BLOC1S6: variants seen among roughly 807,000 people sequenced by gnomAD.
BLOC1S6 encodes the protein biogenesis of lysosomal organelles complex 1 subunit 6.
In BLOC1S6, 24 loss-of-function variants were observed where a neutral mutation model predicts 24.7. That is an observed-to-expected ratio of 0.97 (90% CI 0.70 to 1.37). BLOC1S6 has a LOEUF of 1.37. Ranked by LOEUF, BLOC1S6 falls within the 40% of genes most tolerant of loss-of-function variation. BLOC1S6 has a pLI of 0.00. For missense variants in BLOC1S6, 175 were observed against 196.2 expected, an observed-to-expected ratio of 0.89 and a Z score of 0.64; for synonymous variants, 76 against 72.6, an observed-to-expected ratio of 1.05 and a Z score of -0.23.
chr15:45,591,389 A>C (rs547254481), intron 1 of BLOC1S6, among the ~76,000 whole-genome samples: 1 of 152,126 alleles, frequency 6.6e-6, no homozygotes, highest in African/African-American at 2.4e-5. Flanking sequence ...AGTGACCGTT[A>C]CCCACGTTTT....
intron 3 of BLOC1S6, among the ~76,000 whole-genome samples, chr15:45,604,918 T>C (rs1172712780): frequency 2.0e-5 from 3 of 152,234 alleles, no homozygotes; most frequent in African/African-American, 7.2e-5. Context: ...GAGATCATTC[T>C]GCTTAGTCTG....
In BLOC1S6 at chr15:45,587,531, T is replaced by G. The variant is rs1464794231; in HGVS notation, c.82+6T>G. ...GGCCGGGGAGCCGACGCCTGGTACG[T>G]ACTATCGGGTGGGAAGCGCGGCCCG... On this transcript the variant is annotated splice_donor_region_variant and intron_variant, in intron 1 of 4. Coordinates refer to ENST00000220531, the MANE Select transcript of BLOC1S6 (RefSeq NM_012388.4). The G allele has an allele frequency of 4.5e-6, 7 of 1,568,038 alleles. No homozygotes were observed. Among genetic ancestry groups the G allele is most frequent in the South Asian group, 1.2e-5 (1 of 86,010 alleles).
At chr15:45,587,296 C>T (rs1893707891), upstream of BLOC1S6, 1 of 760,884 alleles carries the variant, frequency 1.3e-6, no homozygotes, top group African/African-American at 1.7e-5. Flanking sequence ...CTCTCGAGCG[C>T]GTGATCGAAG....
Position 45,606,486 on chromosome 15 carries a change from TA to T in BLOC1S6, c.493del (p.Thr165LeufsTer25). On this transcript the variant is annotated frameshift_variant, in exon 5 of 5. Transcript: ENST00000220531. LOFTEE classifies it high-confidence loss of function. Reference sequence around the variant, plus strand: ...AAGGAGTTTGAAAGAGAAAAGCAGTTAACTGCCAGACCAGCCAAAAGGATGT... The same window carrying T: ...AAGGAGTTTGAAAGAGAAAAGCAGTTACTGCCAGACCAGCCAAAAGGATGT... The part of the protein sequence containing the change: ...REKEFEREKQ[L>X]TARPAKRM 6.2e-7 allele frequency: 1 copy of T among 1,614,152 alleles called. No individual in the cohort carries two copies. The highest frequency in any genetic ancestry group is 8.5e-7 in the Non-Finnish European group (1 of 1,180,030).
At chr15:45,590,322 C>T (rs571309113) in intron 1 of BLOC1S6, among the ~76,000 whole-genome samples, 8 of 151,260 alleles carry the variant, frequency 5.3e-5, no homozygotes, top group Admixed American at 2.0e-4. Context: ...TCATGTGTTT[C>T]GTAGGGTTAA....
intron 4 of BLOC1S6, 180 bp downstream of exon 4, chr15:45,605,694 ATTC>A: frequency 1.9e-6 from 1 of 517,124 alleles, no homozygotes; most frequent in East Asian, 3.7e-5. Context: ...GGTTGAAGCG[ATTC>A]TTCTGCCTCA....
At chr15:45,589,725 C>T (rs1173166393) in intron 1 of BLOC1S6, among the ~76,000 whole-genome samples, 3 of 152,166 alleles carry the variant, frequency 2.0e-5, no homozygotes, top group African/African-American at 7.2e-5. Context: ...AATAAGGACC[C>T]TCCCTTTCTT....
intron 2 of BLOC1S6, chr15:45,602,226 C>A: frequency 2.0e-6 from 1 of 491,886 alleles, no homozygotes. Context: ...GTAGGGTATG[C>A]CAGACTCAGT....
At chr15:45,587,553 C>T in intron 1 of BLOC1S6, 28 bp downstream of exon 1, 5 of 1,549,088 alleles carry the variant, frequency 3.2e-6, no homozygotes, top group African/African-American at 1.4e-5. Context: ...GGAAGCGCGG[C>T]CCGGGCTGGG....
intron 2 of BLOC1S6, chr15:45,597,855 T>C: frequency 2.8e-6 from 1 of 361,630 alleles, no homozygotes. Context: ...ACCTTTTATT[T>C]CTTTTTCTTG....
chr15:45,596,281 T>A lies in BLOC1S6; in HGVS notation c.224+4005T>A, dbSNP rs545251980. ...GGCGCAGCCTTAGCTCACTGCAGCC[T>A]CCATTTCCTGGGCTCAAGTGATCCT... On this transcript the variant is annotated intron_variant, in intron 2 of 4. Transcript: ENST00000220531. Among the ~76,000 whole-genome samples the A allele has an allele frequency of 3.3e-5, 5 of 152,192 alleles. No homozygotes were observed. The South Asian group carries it at 1.0e-3, about 32-fold the overall frequency.
rs1894573421 is a variant in BLOC1S6, at chr15:45,608,786, T to C, written c.*2272T>C. The stretch of plus-strand genomic sequence containing the variant: ...TCACGAGTCACTAGTATAGACTATC[T>C]ATCTAGTGAGTTGTATTATAAGCGA... On this transcript the variant is annotated 3_prime_UTR_variant, in exon 5 of 5. Coordinates refer to ENST00000220531, the MANE Select transcript of BLOC1S6 (RefSeq NM_012388.4). 6.6e-6 allele frequency: 1 copy of C among 152,250 alleles called. No individual in the cohort carries two copies. Among genetic ancestry groups the C allele is most frequent in the African/African-American group, 2.4e-5 (1 of 41,468 alleles). 9.4% of individuals were successfully genotyped at this position (152,250 alleles called of 1,614,324 possible).
intron 2 of BLOC1S6, among the ~76,000 whole-genome samples, chr15:45,596,791 C>G (rs971845659): frequency 9.9e-5 from 15 of 151,956 alleles, no homozygotes; most frequent in African/African-American, 3.1e-4. Flanking sequence ...ATTCTTGCAC[C>G]TCAGCCTCCC....
intron 2 of BLOC1S6, among the ~76,000 whole-genome samples, chr15:45,593,338 C>G (rs56245055): frequency 6.9e-6 from 1 of 145,460 alleles, no homozygotes; most frequent in Non-Finnish European, 1.5e-5. Flanking sequence ...GAGCTGAGAT[C>G]TGCACCACTG....
rs1340612776 is a variant in BLOC1S6, at chr15:45,587,421, C to T, written c.-23C>T. ...TGACGAGCCACACGTTTGCTTCTTC[C>T]CTGTGTTCCCAGCTGGAGGGACATG... On this transcript the variant is annotated 5_prime_UTR_variant, in exon 1 of 5. Transcript: ENST00000220531. 1 of 1,562,032 alleles carries T rather than the reference C, an allele frequency of 6.4e-7. No homozygotes were observed. Among genetic ancestry groups the T allele is most frequent in the Non-Finnish European group, 8.7e-7 (1 of 1,151,846 alleles).
At chr15:45,602,674 C>A (rs931134275) in intron 2 of BLOC1S6, among the ~76,000 whole-genome samples, 2 of 152,138 alleles carry the variant, frequency 1.3e-5, no homozygotes, top group East Asian at 3.8e-4. Flanking sequence ...GACTTACTAT[C>A]CCTTGATACT....
chr15:45,604,996 AGTTTGG>A (rs1353388061), intron 3 of BLOC1S6, among the ~76,000 whole-genome samples: 1 of 152,192 alleles, frequency 6.6e-6, no homozygotes, highest in African/African-American at 2.4e-5. Flanking sequence ...CTGTGGCCAC[AGTTTGG>A]GTTTTCCTTA....
intron 3 of BLOC1S6, among the ~76,000 whole-genome samples, chr15:45,603,837 A>G (rs1015896366): frequency 6.6e-6 from 1 of 152,120 alleles, no homozygotes; most frequent in South Asian, 2.1e-4. Context: ...TTAGCATTTT[A>G]TTTAATTATA....
At chr15:45,588,998 T>C (rs1893788055) in intron 1 of BLOC1S6, among the ~76,000 whole-genome samples, 1 of 152,202 alleles carries the variant, frequency 6.6e-6, no homozygotes, top group African/African-American at 2.4e-5. Flanking sequence ...GCATAAACTC[T>C]TTGTCCCAAC....
Sources: gnomAD v4.1 joint callset for allele counts (sites outside exome capture counted in the v4.1 genomes callset) on GRCh38, gnomAD v4.1.1 for gene constraint, MANE v1.5 for transcripts, NCBI Gene and HGNC (gene_info 2026-07-23, HGNC 2026-07-21) for gene names.